Variants in SPTB observed in about 807,000 individuals in gnomAD.
SPTB encodes spectrin beta, erythrocytic.
In SPTB, 45 loss-of-function variants were observed where a neutral mutation model predicts 256.2. The observed-to-expected ratio is 0.18, with a 90% CI of 0.14 to 0.23. The LOEUF (loss-of-function observed/expected upper bound fraction) is 0.23, where lower values mean the gene tolerates loss of function less well. Among genes scored for constraint, SPTB ranks in the 10% least tolerant of loss-of-function variants. The probability of loss-of-function intolerance (pLI) is 1.00; values close to 1 mark genes in which losing one functional copy is unlikely to be tolerated. For synonymous variants in SPTB, 1,231 were observed against 1,243.1 expected (o/e 0.99, Z 0.21); for missense variants, 2,715 against 3,040.4 (o/e 0.89, Z 2.52).
chr14:64,877,136 G>A lies in SPTB; in HGVS notation c.-52+2656C>T, dbSNP rs561047779. On this transcript the variant is annotated intron_variant, in intron 1 of 35. Coordinates refer to ENST00000644917, the MANE Select transcript of SPTB (RefSeq NM_001355436.2). ...TCCTGGCCACTTCCAGGACTGAAAG[G>A]AAAATCTGTTCTTTAAAAAAAAAAA... Among the ~76,000 whole-genome samples the A allele has an allele frequency of 2.7e-3, 399 of 147,136 alleles. 2 individuals are homozygous for A. The Middle Eastern group carries it at 0.034, about 13-fold the overall frequency.
intron 1 of SPTB, among the ~76,000 whole-genome samples, chr14:64,854,694 G>C (rs2083844001): frequency 6.6e-6 from 1 of 152,082 alleles, no homozygotes; most frequent in Non-Finnish European, 1.5e-5. Context: ...GCTGGGCCAA[G>C]CTGGGCCCAG....
Position 64,758,133 on chromosome 14 carries a change from C to G in SPTB, c.6346-4340G>C, listed in dbSNP as rs1336843598. 6.6e-6 allele frequency among the ~76,000 whole-genome samples: 1 copy of G among 152,202 alleles called. No individual in the cohort carries two copies. The highest frequency in any genetic ancestry group is 1.5e-5 in the Non-Finnish European group (1 of 68,036). ...CTGTAAATGTTGGCTTTCTTATGATCCTTCACCCCTCCCTATCCACCCCTG... is the reference window on the plus strand; with the variant it reads ...CTGTAAATGTTGGCTTTCTTATGATGCTTCACCCCTCCCTATCCACCCCTG... On this transcript the variant is annotated intron_variant, in intron 32 of 35. Coordinates refer to ENST00000644917, the MANE Select transcript of SPTB (RefSeq NM_001355436.2). This position sits in a 1 kb window ranked among gnomAD's most constrained non-coding sequence, Gnocchi z 4.6.
chr14:64,868,074 A>C (rs189438401), intron 1 of SPTB, among the ~76,000 whole-genome samples: 63 of 152,190 alleles, frequency 4.1e-4, no homozygotes, highest in African/African-American at 1.3e-3. Context: ...GCCCCTTTAC[A>C]CTTCATTTTG....
intron 1 of SPTB, among the ~76,000 whole-genome samples, chr14:64,876,330 T>C (rs774451742): frequency 2.6e-5 from 4 of 152,168 alleles, no homozygotes; most frequent in East Asian, 1.9e-4. Flanking sequence ...TTAGTAGAGA[T>C]AGGTTTGGCC....
chr14:64,793,738 A>C lies in SPTB; in HGVS notation c.1925T>G (p.Phe642Cys). 6.2e-7 allele frequency: 1 copy of C among 1,614,194 alleles called. No individual in the cohort carries two copies. Among genetic ancestry groups the C allele is most frequent in the Non-Finnish European group, 8.5e-7 (1 of 1,180,046 alleles). ...QLEQSKRLWK[F>C]FWEMDEAESW... Reference sequence around the variant, plus strand: ...CTCAGCCTCATCCATCTCCCAGAAGAACTTCCAGAGTCGTTTGGACTGCTC... The same window carrying C: ...CTCAGCCTCATCCATCTCCCAGAAGCACTTCCAGAGTCGTTTGGACTGCTC... Residue 642 changes from phenylalanine to cysteine, a missense_variant, in exon 14 of 36, where the codon TTC becomes TGC. Coordinates refer to ENST00000644917, the MANE Select transcript of SPTB (RefSeq NM_001355436.2). This position sits in a 1 kb window ranked among gnomAD's most constrained non-coding sequence, Gnocchi z 7.0.
At chr14:64,805,993 T>C (rs1442930807) in intron 2 of SPTB, among the ~76,000 whole-genome samples, 1 of 152,122 alleles carries the variant, frequency 6.6e-6, no homozygotes, top group Non-Finnish European at 1.5e-5. Flanking sequence ...CCCTGGCCCA[T>C]GCTGTACCAG....
Position 64,764,352 on chromosome 14 carries a change from A to G in SPTB, c.6345+2374T>C, listed in dbSNP as rs2082135792. On this transcript the variant is annotated intron_variant, in intron 32 of 35. Transcript: ENST00000644917. This position sits in a 1 kb window ranked among gnomAD's most constrained non-coding sequence, Gnocchi z 4.2. ...CTGAGGTTCGTGGATCCCCATGAGA[A>G]CTTAACAAAAGGCTCAGAAGGGAGC... 6.6e-6 allele frequency among the ~76,000 whole-genome samples: 1 copy of G among 152,224 alleles called. No individual in the cohort carries two copies. Among genetic ancestry groups the G allele is most frequent in the South Asian group, 2.1e-4 (1 of 4,832 alleles).
intron 28 of SPTB, among the ~76,000 whole-genome samples, 184 bp from the exon 29 acceptor site, chr14:64,769,302 G>A (rs1032196064): frequency 6.6e-6 from 1 of 152,166 alleles, no homozygotes; most frequent in East Asian, 1.9e-4. Context: ...AGGCCCATGC[G>A]CCTCTCCTAT....
At chr14:64,809,408 T>C (rs7401313) in intron 2 of SPTB, among the ~76,000 whole-genome samples, 1 of 149,896 alleles carries the variant, frequency 6.7e-6, no homozygotes, top group African/African-American at 2.4e-5. Context: ...TGCAGTGGTG[T>C]GATCTCGGCT....
rs1242939525 is a variant in SPTB at position 64,800,752 on chromosome 14, G to A, written c.876+4C>T. On this transcript the variant is annotated splice_donor_region_variant and intron_variant, in intron 8 of 35. Transcript: ENST00000644917. ...TGACACTTTGGTTCCAAAACAGCTT[G>A]TACCTTGCCGACACGCTTGCCCTCC... 2.5e-6 allele frequency: 4 copies of A among 1,613,474 alleles called. No homozygotes were observed. Among genetic ancestry groups the A allele is most frequent in the East Asian group, 2.2e-5 (1 of 44,898 alleles).
intron 10 of SPTB, among the ~76,000 whole-genome samples, chr14:64,797,513 A>ATGC (rs1222263707): frequency 7.9e-6 from 1 of 126,834 alleles, no homozygotes; most frequent in Non-Finnish European, 1.6e-5. Context: ...GGACTCAGGG[A>ATGC]TGCAGGGCAT....
intron 1 of SPTB, among the ~76,000 whole-genome samples, chr14:64,840,314 C>T (rs762728399): frequency 9.2e-5 from 14 of 152,174 alleles, no homozygotes; most frequent in Non-Finnish European, 1.9e-4. Flanking sequence ...GAGAATACTC[C>T]ACGAGGCTAA....
chr14:64,786,657 T>C lies in SPTB; in HGVS notation c.3308A>G (p.His1103Arg), dbSNP rs759269770. ...LPEAEQLLQQ[H>R]AGIKDEIDGH... is the part of the protein sequence containing the mutation. ...GTCAATCTCATCCTTGATACCTGCATGCTGCTGCAGGAGCTGCTCAGCCTC... is the reference window on the plus strand; with the variant it reads ...GTCAATCTCATCCTTGATACCTGCACGCTGCTGCAGGAGCTGCTCAGCCTC... The change falls in exon 16 of 36, where the codon CAT becomes CGT. Residue 1103 changes from histidine to arginine, a missense_variant. Coordinates refer to ENST00000644917, the MANE Select transcript of SPTB (RefSeq NM_001355436.2). This position sits in a 1 kb window ranked among gnomAD's most constrained non-coding sequence, Gnocchi z 5.6. The C allele has an allele frequency of 5.6e-6, 9 of 1,614,036 alleles. No individual in the cohort carries two copies. Among genetic ancestry groups the C allele is most frequent in the Non-Finnish European group, 7.6e-6 (9 of 1,180,000 alleles).
chr14:64,776,011 G>C (rs757249496), intron 22 of SPTB, among the ~76,000 whole-genome samples: 1 of 152,138 alleles, frequency 6.6e-6, no homozygotes, highest in Non-Finnish European at 1.5e-5. Context: ...CTTTGGTCAT[G>C]AACACAGCCT....
At chr14:64,858,022 A>T (rs1340075823) in intron 1 of SPTB, among the ~76,000 whole-genome samples, 3 of 152,188 alleles carry the variant, frequency 2.0e-5, no homozygotes, top group Non-Finnish European at 4.4e-5. Context: ...GGTATTATTT[A>T]TTCTTCCCAT....
chr14:64,788,555 G>C (rs1292716585), intron 15 of SPTB, among the ~76,000 whole-genome samples: 1 of 152,186 alleles, frequency 6.6e-6, no homozygotes, highest in African/African-American at 2.4e-5. Context: ...TCTGAGGCTA[G>C]GAAATCAAGG....
intron 1 of SPTB, among the ~76,000 whole-genome samples, chr14:64,848,278 T>C (rs1164448962): frequency 6.6e-6 from 1 of 152,240 alleles, no homozygotes; most frequent in Admixed American, 6.5e-5. Flanking sequence ...TCTTTTGCTT[T>C]TTATTGTGGA....
intron 2 of SPTB, among the ~76,000 whole-genome samples, chr14:64,820,030 A>G (rs925127222): frequency 2.0e-5 from 3 of 152,214 alleles, no homozygotes; most frequent in Non-Finnish European, 4.4e-5. Context: ...ATCTTGTGAC[A>G]TGTTCCTCCT....
chr14:64,874,450 T>A (rs544616539), intron 1 of SPTB, among the ~76,000 whole-genome samples: 1 of 152,254 alleles, frequency 6.6e-6, no homozygotes, highest in Non-Finnish European at 1.5e-5. Context: ...ATGTCTGCTC[T>A]TTTTGAATAC....
Sources: allele counts gnomAD v4.1 joint callset (sites outside exome capture counted in the v4.1 genomes callset), GRCh38; gene constraint gnomAD v4.1.1; non-coding constraint Gnocchi (gnomAD v3.1); transcripts MANE v1.5; gene names NCBI Gene and HGNC (gene_info 2026-07-23, HGNC 2026-07-21).